Variants in TTLL9 observed in about 807,000 individuals in gnomAD.
The protein encoded by TTLL9 is probable tubulin polyglutamylase TTLL9.
A neutral mutation model predicts 65.6 loss-of-function variants in TTLL9; 47 were observed. That is an observed-to-expected ratio of 0.72 (90% confidence interval 0.57 to 0.91). The LOEUF (loss-of-function observed/expected upper bound fraction) is 0.91, where lower values mean the gene tolerates loss of function less well. Among genes scored for constraint, TTLL9 ranks in the 40% least tolerant of loss-of-function variants. TTLL9 has a pLI of 0.00. For missense variants in TTLL9, 537 were observed against 568.8 expected, an observed-to-expected ratio of 0.94 and a Z score of 0.57; for synonymous variants, 179 against 204.8, an observed-to-expected ratio of 0.87 and a Z score of 1.07.
intron 10 of TTLL9, among the ~76,000 whole-genome samples, chr20:31,932,985 G>A (rs185928638): frequency 5.9e-5 from 9 of 152,202 alleles, no homozygotes; most frequent in Admixed American, 2.0e-4. Flanking sequence ...AAAAGACTAC[G>A]TCTCAAAACA....
intron 12 of TTLL9, among the ~76,000 whole-genome samples, chr20:31,936,736 A>G (rs905482569): frequency 1.3e-5 from 2 of 152,218 alleles, no homozygotes; most frequent in African/African-American, 4.8e-5. Context: ...CTCTATTGGA[A>G]GAAGGGAAAA....
At chr20:31,927,786 C>T (rs112662478) in intron 10 of TTLL9, among the ~76,000 whole-genome samples, 10 of 152,294 alleles carry the variant, frequency 6.6e-5, no homozygotes, top group South Asian at 4.1e-4. Context: ...TCCCCAGCTT[C>T]GGGTGTGGAC....
intron 4 of TTLL9, among the ~76,000 whole-genome samples, chr20:31,905,199 T>C (rs2063535321): frequency 6.6e-6 from 1 of 152,112 alleles, no homozygotes; most frequent in Non-Finnish European, 1.5e-5. Context: ...GCCTCCCAAG[T>C]AACTGGGATT....
intron 10 of TTLL9, among the ~76,000 whole-genome samples, chr20:31,930,113 G>A (rs910306409): frequency 6.6e-6 from 1 of 152,030 alleles, no homozygotes; most frequent in African/African-American, 2.4e-5. Context: ...GAGCAACAGA[G>A]CAAGACTCTA....
chr20:31,937,373 T>C (rs1568842728), intron 12 of TTLL9, 23 bp from the exon 13 acceptor site: 1 of 1,594,950 alleles, frequency 6.3e-7, no homozygotes, highest in Non-Finnish European at 8.6e-7. Flanking sequence ...ACCCTAAGAC[T>C]CTCTACTCCC....
chr20:31,939,700 C>CTT (rs1242802894), intron 14 of TTLL9: 1 of 154,362 alleles, frequency 6.5e-6, no homozygotes, highest in African/African-American at 2.4e-5. Context: ...CTTGAATGCA[C>CTT]TTTTTGGTCC....
chr20:31,918,960 C>G (rs2063776536), intron 6 of TTLL9, among the ~76,000 whole-genome samples: 2 of 152,180 alleles, frequency 1.3e-5, no homozygotes, highest in South Asian at 4.1e-4. Context: ...ACCTGGCAGC[C>G]CTGCATGCCC....
chr20:31,934,647 T>C, intron 11 of TTLL9, 45 bp from the exon 12 acceptor site: 1 of 1,551,590 alleles, frequency 6.4e-7, no homozygotes, highest in Non-Finnish European at 8.7e-7. Flanking sequence ...GGCCAGGTCC[T>C]GACTAACTGA....
chr20:31,870,946 A>G lies in TTLL9; in HGVS notation c.-9A>G, dbSNP rs929488389. On this transcript the variant is annotated 5_prime_UTR_variant, in exon 1 of 15. Coordinates refer to ENST00000535842, the MANE Select transcript of TTLL9 (RefSeq NM_001008409.5). This position sits in a 1 kb window ranked among gnomAD's most constrained non-coding sequence, Gnocchi z 6.6. Reference sequence around the variant, plus strand: ...CTCTTCAGAGTCTGCTTGGAACGGGATAAGTGGGTAATTCCTTCCGATACA... The same window carrying G: ...CTCTTCAGAGTCTGCTTGGAACGGGGTAAGTGGGTAATTCCTTCCGATACA... The G allele has an allele frequency of 9.0e-6, 6 of 667,160 alleles. No individual in the cohort carries two copies. The highest frequency in any genetic ancestry group is 3.4e-5 in the South Asian group (2 of 58,898). 41.3% of individuals were successfully genotyped at this position (667,160 alleles called of 1,614,324 possible).
At chr20:31,890,023 TTTCTTTC>T (rs2063270743) in intron 3 of TTLL9, among the ~76,000 whole-genome samples, 1 of 131,228 alleles carries the variant, frequency 7.6e-6, no homozygotes, top group South Asian at 2.4e-4. Context: ...TCTTTCTTTC[TTTCTTTC>T]TTTCCTTCCT....
chr20:31,873,729 AGAAAGAAAAAGGAAGGAAGG>A (rs2062981002), intron 2 of TTLL9, among the ~76,000 whole-genome samples: 2 of 127,100 alleles, frequency 1.6e-5, no homozygotes, highest in African/African-American at 5.8e-5. Flanking sequence ...AAAGAAAGAA[AGAAAGAAAAAGGAAGGAAGG>A]AAGAAAGAAA....
chr20:31,871,402 A>G (rs2062930301), intron 2 of TTLL9, among the ~76,000 whole-genome samples: 1 of 152,168 alleles, frequency 6.6e-6, no homozygotes, highest in Non-Finnish European at 1.5e-5. Context: ...TGTTGAGGTG[A>G]GCCCTTCCTG....
chr20:31,893,031 T>G lies in TTLL9; in HGVS notation c.114-5442T>G, dbSNP rs536327444. Among the ~76,000 whole-genome samples the G allele has an allele frequency of 1.2e-3, 185 of 152,318 alleles. 2 individuals carry two copies. Among genetic ancestry groups the G allele is most frequent in the Middle Eastern group, 3.4e-3 (1 of 294 alleles). On this transcript the variant is annotated intron_variant, in intron 3 of 14. Transcript: ENST00000535842. ...CATATTTACCCCACTCATCATTCCT[T>G]CTGAATTTCCATCTGGTATAATTTT...
chr20:31,882,148 G>GC (rs1342683687), intron 2 of TTLL9, among the ~76,000 whole-genome samples: 3 of 152,140 alleles, frequency 2.0e-5, no homozygotes, highest in Non-Finnish European at 2.9e-5. Flanking sequence ...CCTAGAGAAG[G>GC]CCAGAGGTCA....
At chr20:31,889,507 C>T (rs2063251285) in intron 3 of TTLL9, among the ~76,000 whole-genome samples, 1 of 145,874 alleles carries the variant, frequency 6.9e-6, no homozygotes, top group Admixed American at 6.9e-5. Flanking sequence ...ACTACAACCT[C>T]TGCCTCCCGG....
chr20:31,924,888 T>A, intron 8 of TTLL9, 121 bp from the exon 9 acceptor site: 1 of 1,108,066 alleles, frequency 9.0e-7, no homozygotes. Flanking sequence ...CTTGTGTAGT[T>A]TCAGCAGGAG....
intron 14 of TTLL9, 66 bp downstream of exon 14, chr20:31,939,332 G>C (rs977752207): frequency 2.5e-6 from 4 of 1,578,356 alleles, no homozygotes; most frequent in Admixed American, 3.5e-5. Flanking sequence ...GGTAGTCTAG[G>C]AGGCAGCTTG....
intron 14 of TTLL9, among the ~76,000 whole-genome samples, chr20:31,941,429 T>G (rs976956811): frequency 1.3e-5 from 2 of 152,072 alleles, no homozygotes; most frequent in Non-Finnish European, 2.9e-5. Context: ...GGCTGCCCAT[T>G]GGAATCACCT....
intron 4 of TTLL9, among the ~76,000 whole-genome samples, chr20:31,898,824 C>T (rs142760194): frequency 1.3e-5 from 2 of 152,346 alleles, no homozygotes; most frequent in East Asian, 1.9e-4. Context: ...GCATTGTAAG[C>T]ATCAGAGCAG....
Sources: allele counts gnomAD v4.1 joint callset (sites outside exome capture counted in the v4.1 genomes callset), GRCh38; gene constraint gnomAD v4.1.1; non-coding constraint Gnocchi (gnomAD v3.1); transcripts MANE v1.5; gene names NCBI Gene and HGNC (gene_info 2026-07-23, HGNC 2026-07-21).